NDC1: variants seen among roughly 807,000 people sequenced by gnomAD.
The protein encoded by NDC1 is NDC1 transmembrane nucleoporin, also known as nucleoporin NDC1.
A neutral mutation model predicts 89.8 loss-of-function variants in NDC1; 24 were observed. The ratio of observed to expected loss-of-function variants is 0.27; its 90% CI spans 0.19 to 0.38. NDC1 has a LOEUF of 0.38. Ranked by LOEUF, NDC1 falls within the 10% of genes least tolerant of loss-of-function variation. NDC1 has a pLI of 1.00. For missense variants in NDC1, 728 were observed against 797.6 expected (o/e 0.91, Z 1.05); for synonymous variants, 296 against 284.8 (o/e 1.04, Z -0.39).
chr1:53,825,808 G>C lies in NDC1; in HGVS notation c.584C>G (p.Pro195Arg), dbSNP rs1331167903. ...CTCAAATGATCTTACCTGTATGATG[G>C]GAAATGGAAGATAGTTCATGTTGTT... is the stretch of plus-strand genomic sequence containing the variant. ...FVNNMNYLPF[P>R]IIQQYKFLRF... The change falls in exon 5 of 18, where the codon CCC becomes CGC. Residue 195 changes from proline to arginine, a missense_variant. Pro to Arg is a moderately radical substitution (Grantham distance 103). Transcript: ENST00000371429. 6.3e-7 allele frequency: 1 copy of C among 1,588,766 alleles called. No individual in the cohort carries two copies. Among genetic ancestry groups the C allele is most frequent in the Admixed American group, 1.9e-5 (1 of 52,608 alleles).
chr1:53,832,426 C>T (rs1649095994), intron 3 of NDC1, 64 bp downstream of exon 3: 2 of 850,544 alleles, frequency 2.4e-6, no homozygotes, highest in Non-Finnish European at 3.9e-6. Flanking sequence ...ATAAAATGTA[C>T]TAAGTCTTCC....
Position 53,789,240 on chromosome 1 carries a change from A to G in NDC1, c.1636-44T>C, listed in dbSNP as rs1300953698. On this transcript the variant is annotated intron_variant, in intron 14 of 17. Transcript: ENST00000371429. ...ACATTCAAGTGAATTCCCCTGAGCA[A>G]AAACTCCATTATTTCCTTTAATTAA... The G allele has an allele frequency of 4.0e-6, 5 of 1,265,416 alleles. No homozygotes were observed. The Admixed American group carries it at 6.0e-5, about 15-fold the overall frequency. 78.4% of individuals were successfully genotyped at this position (1,265,416 alleles called of 1,614,324 possible).
chr1:53,802,047 T>A (rs1292451143), intron 10 of NDC1, among the ~76,000 whole-genome samples: 1 of 152,076 alleles, frequency 6.6e-6, no homozygotes, highest in Non-Finnish European at 1.5e-5. Context: ...TCCAATTAAA[T>A]TTTTTTTATG....
intron 16 of NDC1, among the ~76,000 whole-genome samples, chr1:53,779,179 G>T (rs546187787): frequency 3.5e-4 from 52 of 147,176 alleles, no homozygotes; most frequent in Non-Finnish European, 6.6e-4. Flanking sequence ...CAACAAAGTA[G>T]TAAGAGCTAA....
intron 5 of NDC1, among the ~76,000 whole-genome samples, chr1:53,821,814 A>T (rs1648677742): frequency 6.6e-6 from 1 of 152,100 alleles, no homozygotes; most frequent in Admixed American, 6.6e-5. Context: ...CCCTTCACTA[A>T]ATATTTACTG....
Position 53,796,951 on chromosome 1 carries a change from C to A in NDC1, c.1416G>T (p.Pro472=). 2 of 1,614,142 alleles carry A rather than the reference C, an allele frequency of 1.2e-6. No homozygotes were observed. Among genetic ancestry groups the A allele is most frequent in the African/African-American group, 1.3e-5 (1 of 75,032 alleles). ...CCCTTCTTATTAGCTGAGGACTTTGCGGTGACCCATAGCAGGTGTTTACAT... is the reference window on the plus strand; with the variant it reads ...CCCTTCTTATTAGCTGAGGACTTTGAGGTGACCCATAGCAGGTGTTTACAT... The part of the protein sequence containing the change: ...IFDVNTCYGS[P]QSPQLIRRGP... Residue 472 remains proline (P), a synonymous_variant, in exon 12 of 18, where the codon CCG becomes CCT. Coordinates refer to ENST00000371429, the MANE Select transcript of NDC1 (RefSeq NM_018087.5).
intron 11 of NDC1, among the ~76,000 whole-genome samples, chr1:53,800,332 CTT>C (rs1158363485): frequency 0.014 from 1,156 of 80,502 alleles, 5 homozygotes; most frequent in African/African-American, 0.052. Flanking sequence ...CTACAGTCAT[CTT>C]TTTTTTTTTT....
At chr1:53,793,177 A>G (rs1478574002) in intron 14 of NDC1, 52 bp downstream of exon 14, 3 of 1,413,194 alleles carry the variant, frequency 2.1e-6, no homozygotes, top group Middle Eastern at 1.8e-4. Context: ...ACTTTATTTC[A>G]TATTTCATTT....
At chr1:53,786,468 G>C (rs1023013696) in intron 16 of NDC1, among the ~76,000 whole-genome samples, 1 of 152,206 alleles carries the variant, frequency 6.6e-6, no homozygotes. Flanking sequence ...CTCAGTTCTT[G>C]AGCCTCAACC....
intron 9 of NDC1, among the ~76,000 whole-genome samples, chr1:53,805,589 T>C (rs1314306846): frequency 6.6e-6 from 1 of 152,326 alleles, no homozygotes; most frequent in Admixed American, 6.5e-5. Context: ...CCATTTATGC[T>C]TACTTAGATT....
At chr1:53,837,679 C>T (rs1010158665) in intron 1 of NDC1, among the ~76,000 whole-genome samples, 2 of 152,204 alleles carry the variant, frequency 1.3e-5, no homozygotes, top group Non-Finnish European at 2.9e-5. Flanking sequence ...GGATCTTTCT[C>T]CTCTTTCTCT....
chr1:53,774,288 A>G (rs189536421), intron 16 of NDC1, among the ~76,000 whole-genome samples: 4 of 152,282 alleles, frequency 2.6e-5, no homozygotes, highest in Non-Finnish European at 4.4e-5. Flanking sequence ...TACTACCTAA[A>G]ATTATCTCAA....
At chr1:53,795,372 C>G (rs1476649003) in intron 13 of NDC1, among the ~76,000 whole-genome samples, 1 of 152,162 alleles carries the variant, frequency 6.6e-6, no homozygotes, top group Non-Finnish European at 1.5e-5. Context: ...GAACTTTCCC[C>G]TACACTACCG....
intron 1 of NDC1, among the ~76,000 whole-genome samples, chr1:53,836,764 C>G (rs896644749): frequency 6.6e-6 from 1 of 151,508 alleles, no homozygotes; most frequent in Admixed American, 6.6e-5. Flanking sequence ...GCCACAGCGC[C>G]CAGCCTCCTA....
chr1:53,775,955 CTT>C (rs1204999638), intron 16 of NDC1, among the ~76,000 whole-genome samples: 14 of 135,620 alleles, frequency 1.0e-4, no homozygotes, highest in Admixed American at 1.5e-4. Context: ...TCTGAAATTC[CTT>C]TTTTTTTTTT....
At chr1:53,836,866 G>C (rs1649250808) in intron 1 of NDC1, among the ~76,000 whole-genome samples, 1 of 152,200 alleles carries the variant, frequency 6.6e-6, no homozygotes. Flanking sequence ...AAACATAGGA[G>C]TAAACCTTCA....
chr1:53,768,185 C>CT lies in NDC1; in HGVS notation c.1962-153dup, dbSNP rs945249674. The CT allele has an allele frequency of 1.3e-5, 7 of 528,666 alleles. No individual in the cohort carries two copies. In the Admixed American group the frequency reaches 1.5e-4, roughly 11 times the overall value. 32.7% of individuals were successfully genotyped at this position (528,666 alleles called of 1,614,324 possible). On this transcript the variant is annotated intron_variant, in intron 17 of 17. Transcript: ENST00000371429. ...TTTCTGAAAAAGCTGGATGAAAACT[C>CT]TTTTTAATCTAATGAAGAGGAGGGC...
chr1:53,787,664 G>GATAGATAA (rs566196913), intron 15 of NDC1, among the ~76,000 whole-genome samples: 1 of 146,746 alleles, frequency 6.8e-6, no homozygotes, highest in African/African-American at 2.5e-5. Context: ...TAAATAAATA[G>GATAGATAA]ATAAATAAAT....
rs1385990107 is a variant in NDC1, at chr1:53,767,687, C to G, written c.*283G>C. 7.5e-6 allele frequency: 2 copies of G among 266,988 alleles called. No individual in the cohort carries two copies. Among genetic ancestry groups the G allele is most frequent in the Middle Eastern group, 2.1e-3 (2 of 936 alleles). The allele number at this position is 266,988 out of a possible 1,614,324, so 16.5% of individuals were successfully genotyped here. ...AGTTATTACTATTAAGTTATATGAG[C>G]TAGAGACATTTCGACTGCCATCAAT... On this transcript the variant is annotated 3_prime_UTR_variant, in exon 18 of 18. Transcript: ENST00000371429.
Sources: gnomAD v4.1 joint callset for allele counts (sites outside exome capture counted in the v4.1 genomes callset) on GRCh38, gnomAD v4.1.1 for gene constraint, MANE v1.5 for transcripts, NCBI Gene and HGNC (gene_info 2026-07-23, HGNC 2026-07-21) for gene names.